GLB1L3: variants seen among roughly 807,000 people sequenced by gnomAD.
GLB1L3 encodes the protein beta-galactosidase-1-like protein 3.
A neutral mutation model predicts 89.5 loss-of-function variants in GLB1L3; 89 were observed. The observed-to-expected ratio is 0.99, with a 90% CI of 0.84 to 1.19. The LOEUF (loss-of-function observed/expected upper bound fraction) is 1.19. Among genes scored for constraint, GLB1L3 ranks in the 50% most tolerant of loss-of-function variants. GLB1L3 has a pLI of 0.00. For synonymous variants in GLB1L3, 314 were observed against 312.3 expected, an observed-to-expected ratio of 1.01 and a Z score of -0.06; for missense variants, 812 against 813.3, an observed-to-expected ratio of 1.00 and a Z score of 0.02.
At chr11:134,293,766 A>G (rs778495137) in intron 9 of GLB1L3, among the ~76,000 whole-genome samples, 5 of 151,984 alleles carry the variant, frequency 3.3e-5, no homozygotes, top group Non-Finnish European at 2.9e-5. Flanking sequence ...TCCTTTCTCC[A>G]CAGCCTAGCT....
intron 4 of GLB1L3, 123 bp downstream of exon 4, chr11:134,281,568 T>C (rs1940688285): frequency 1.1e-6 from 1 of 944,844 alleles, no homozygotes; most frequent in East Asian, 2.4e-5. Flanking sequence ...GTTCTAGGAC[T>C]GTGAGAGGCC....
chr11:134,296,455 A>G (rs1483530262), intron 9 of GLB1L3, among the ~76,000 whole-genome samples: 63 of 130,674 alleles, frequency 4.8e-4, no homozygotes, highest in Admixed American at 8.1e-4. Flanking sequence ...ATGTCCAACA[A>G]TGATAGACTG....
At chr11:134,290,929 CT>C (rs1270915425) in intron 7 of GLB1L3, among the ~76,000 whole-genome samples, 1 of 152,044 alleles carries the variant, frequency 6.6e-6, no homozygotes, top group Non-Finnish European at 1.5e-5. Context: ...AAACTCAGCC[CT>C]TTTTTTCCCT....
rs941872480 is a variant in GLB1L3 at position 134,276,462 on chromosome 11, G to A, written c.-279G>A. ...CCAAGGGCCCTCCCGCTTCCCCTCC[G>A]AGGGCAGAGAGGCGTCCGCGCCCGG... On this transcript the variant is annotated 5_prime_UTR_variant, in exon 1 of 20. Coordinates refer to ENST00000431683, the MANE Select transcript of GLB1L3 (RefSeq NM_001080407.3). 1.1e-5 allele frequency: 4 copies of A among 351,394 alleles called. No homozygotes were observed. Among genetic ancestry groups the A allele is most frequent in the Non-Finnish European group, 2.0e-5 (4 of 196,190 alleles). 21.8% of individuals were successfully genotyped at this position (351,394 alleles called of 1,614,324 possible).
intron 6 of GLB1L3, among the ~76,000 whole-genome samples, chr11:134,285,747 G>C (rs1170156465): frequency 6.6e-6 from 1 of 152,148 alleles, no homozygotes; most frequent in Non-Finnish European, 1.5e-5. Context: ...ACTCCAGCCT[G>C]GGTGACAGAG....
chr11:134,287,005 G>C (rs897148320), intron 6 of GLB1L3: 1 of 150,684 alleles, frequency 6.6e-6, no homozygotes, highest in African/African-American at 2.4e-5. Flanking sequence ...CTAAAAAATA[G>C]AAAAAATGAG....
rs560540946 is a variant in GLB1L3, at chr11:134,309,635, A to G, written c.971A>G (p.His324Arg). 6.2e-7 allele frequency: 1 copy of G among 1,602,384 alleles called. No homozygotes were observed. Among genetic ancestry groups the G allele is most frequent in the East Asian group, 2.2e-5 (1 of 44,626 alleles). Residue 324 changes from histidine (H) to arginine (R), a missense_variant, in exon 11 of 20, where the codon CAT becomes CGT. Transcript: ENST00000431683. ...HHVKDAKEVE[H>R]AVSEFIKYEI... ...ATGTTCCCCTTTGCAGAGGTTGAAC[A>G]TGCTGTGTCTGAATTCATCAAATAT...
chr11:134,310,036 G>C, intron 11 of GLB1L3: 1 of 487,006 alleles, frequency 2.1e-6, no homozygotes, highest in South Asian at 2.7e-5. Context: ...GAGAGGCAGG[G>C]TAGGAACGGT....
chr11:134,292,640 C>T (rs1941416787), intron 8 of GLB1L3: 1 of 219,952 alleles, frequency 4.5e-6, no homozygotes, highest in Non-Finnish European at 9.1e-6. Flanking sequence ...ATCCTACCGC[C>T]CAAGGCTCTG....
intron 11 of GLB1L3, 107 bp downstream of exon 11, chr11:134,309,870 C>G (rs1157203763): frequency 2.4e-6 from 3 of 1,244,072 alleles, no homozygotes; most frequent in East Asian, 5.0e-5. Context: ...GACCTATAAT[C>G]TATGCTGAGT....
At chr11:134,308,140 A>C (rs866925194) in intron 10 of GLB1L3, among the ~76,000 whole-genome samples, 49 of 127,432 alleles carry the variant, frequency 3.8e-4, no homozygotes, top group African/African-American at 1.1e-3. Context: ...TCACCACCAC[A>C]ATCACCATCA....
intron 7 of GLB1L3, 25 bp downstream of exon 7, chr11:134,288,915 A>G (rs758010847): frequency 3.4e-6 from 5 of 1,491,610 alleles, no homozygotes; most frequent in South Asian, 2.3e-5. Context: ...GTTTGGCCCC[A>G]TGTTTACATG....
upstream of GLB1L3, chr11:134,275,913 G>A (rs913752025): frequency 2.6e-5 from 4 of 152,370 alleles, no homozygotes; most frequent in African/African-American, 9.6e-5. Context: ...TACCTGAGAG[G>A]ACGCCTGTTC....
intron 13 of GLB1L3, 92 bp from the exon 14 acceptor site, chr11:134,312,257 A>C: frequency 7.2e-7 from 1 of 1,393,642 alleles, no homozygotes; most frequent in Non-Finnish European, 9.9e-7. Context: ...ACCCTTGGGG[A>C]CCATTAGGCA....
chr11:134,283,667 G>A, intron 5 of GLB1L3, 70 bp from the exon 6 acceptor site: 1 of 838,358 alleles, frequency 1.2e-6, no homozygotes, highest in Non-Finnish European at 2.0e-6. Flanking sequence ...AGCCGGGGCA[G>A]CTCTGAGCCC....
chr11:134,313,911 C>G (rs1259835055), intron 16 of GLB1L3, 30 bp from the exon 17 acceptor site: 1 of 1,420,488 alleles, frequency 7.0e-7, no homozygotes, highest in East Asian at 2.3e-5. Context: ...GGCTCATATT[C>G]TCTTTCCTGC....
chr11:134,285,908 GTT>G (rs1162065552), intron 6 of GLB1L3, among the ~76,000 whole-genome samples: 10 of 130,070 alleles, frequency 7.7e-5, no homozygotes, highest in African/African-American at 8.5e-5. Context: ...TGTGAGTTCT[GTT>G]TTTTTTTTTT....
chr11:134,277,903 C>G lies in GLB1L3; in HGVS notation c.353C>G (p.Thr118Ser). ...LLKLKACGFNTVTTYVPWNLH... is the reference protein window; with the variant it reads ...LLKLKACGFNSVTTYVPWNLH... ...AAGCTGAAGGCCTGTGGCTTCAATA[C>G]TGTCACCACGTGAGTGCCGGCCCCT... The change falls in exon 3 of 20, where the codon ACT (threonine) becomes AGT (serine). Residue 118 changes from threonine (T) to serine (S), a missense_variant. Coordinates refer to ENST00000431683, the MANE Select transcript of GLB1L3 (RefSeq NM_001080407.3). 1 of 1,613,968 alleles carries G rather than the reference C, an allele frequency of 6.2e-7. No individual in the cohort carries two copies. Among genetic ancestry groups the G allele is most frequent in the Non-Finnish European group, 8.5e-7 (1 of 1,179,968 alleles).
rs752322358 is a variant in GLB1L3 at position 134,293,134 on chromosome 11, T to C, written c.812-11T>C. ...TCATGCCTCAGCTGGGTCTCTCTCT[T>C]CTTTATGCAGTGTTGGCCGCCATCA... On this transcript the variant is annotated splice_polypyrimidine_tract_variant and intron_variant, in intron 8 of 19. Transcript: ENST00000431683. The C allele has an allele frequency of 2.5e-6, 4 of 1,612,852 alleles. No individual in the cohort carries two copies. The highest frequency in any genetic ancestry group is 3.3e-5 in the Admixed American group (2 of 59,994).
Sources: gnomAD v4.1 joint callset for allele counts (sites outside exome capture counted in the v4.1 genomes callset) on GRCh38, gnomAD v4.1.1 for gene constraint, MANE v1.5 for transcripts, NCBI Gene and HGNC (gene_info 2026-07-23, HGNC 2026-07-21) for gene names.